HPSE2: variants seen among roughly 807,000 people sequenced by gnomAD.
The protein encoded by HPSE2 is inactive heparanase-2.
Under a neutral mutation model 60.5 loss-of-function variants are expected in HPSE2, and 38 were observed. The observed-to-expected ratio is 0.63, with a 90% CI of 0.48 to 0.82. The LOEUF is 0.82. HPSE2 is among the 40% of genes least tolerant of loss of function. HPSE2 has a pLI of 0.00. For missense variants in HPSE2, 713 were observed against 740.4 expected, an observed-to-expected ratio of 0.96 and a Z score of 0.43; for synonymous variants, 295 against 293.2, an observed-to-expected ratio of 1.01 and a Z score of -0.06.
intron 3 of HPSE2, chr10:99,048,176 G>A (rs9633708): frequency 0.11 from 72,033 of 680,564 alleles, 4,466 homozygotes; most frequent in South Asian, 0.18. Context: ...TTGATCTCTC[G>A]GTAAATATGG....
At chr10:98,510,761 G>T (rs186975294) in intron 9 of HPSE2, among the ~76,000 whole-genome samples, 1 of 152,208 alleles carries the variant, frequency 6.6e-6, no homozygotes, top group Non-Finnish European at 1.5e-5. Context: ...GCAGCCTGGG[G>T]GAATGCAAAG....
the HPSE2 span, among the ~76,000 whole-genome samples, chr10:99,297,823 T>C: frequency 2.6e-5 from 4 of 152,114 alleles, no homozygotes; most frequent in African/African-American, 4.8e-5. Context: ...ATTTTCAGCA[T>C]TGGTAATTTT....
intron 2 of HPSE2, among the ~76,000 whole-genome samples, chr10:99,164,383 A>AT (rs974730789): frequency 6.7e-6 from 1 of 149,590 alleles, no homozygotes; most frequent in African/African-American, 2.5e-5. Context: ...AGCTTCTATA[A>AT]TTTTTTGACA....
At chr10:98,542,046 ACCCC>A (rs1943487680) in intron 9 of HPSE2, among the ~76,000 whole-genome samples, 2 of 147,046 alleles carry the variant, frequency 1.4e-5, no homozygotes, top group Admixed American at 6.9e-5. Context: ...CTGACCCCTG[ACCCC>A]CAAGCAGCCT....
intron 10 of HPSE2, among the ~76,000 whole-genome samples, chr10:98,484,795 G>C (rs1217485635): frequency 6.6e-6 from 1 of 152,190 alleles, no homozygotes; most frequent in Non-Finnish European, 1.5e-5. Flanking sequence ...AGAAGTCTGA[G>C]AGAACTATAT....
intron 5 of HPSE2, among the ~76,000 whole-genome samples, chr10:98,719,250 T>C (rs1181194217): frequency 6.6e-6 from 1 of 152,140 alleles, no homozygotes; most frequent in Non-Finnish European, 1.5e-5. Flanking sequence ...GTTCCTAGAT[T>C]CTGAAGATAT....
intron 4 of HPSE2, among the ~76,000 whole-genome samples, chr10:98,734,090 A>T (rs1002988752): frequency 6.6e-6 from 1 of 152,202 alleles, no homozygotes; most frequent in African/African-American, 2.4e-5. Context: ...GACATTTCAT[A>T]TAAGGGGAAT....
intron 9 of HPSE2, among the ~76,000 whole-genome samples, chr10:98,559,758 C>T (rs1169480938): frequency 2.0e-5 from 3 of 152,134 alleles, no homozygotes; most frequent in African/African-American, 7.2e-5. Flanking sequence ...ACAGATAAAG[C>T]ATTATAAGAA....
intron 2 of HPSE2, among the ~76,000 whole-genome samples, chr10:99,184,811 TATATATATAGAGAGAGAG>T (rs1487587489): frequency 1.3e-4 from 5 of 37,886 alleles, no homozygotes; most frequent in African/African-American, 2.4e-4. Context: ...TATATATATA[TATATATATAGAGAGAGAG>T]AGAGAGAGAG....
chr10:98,615,306 T>C (rs1362509077), intron 8 of HPSE2, among the ~76,000 whole-genome samples: 1 of 152,184 alleles, frequency 6.6e-6, no homozygotes, highest in African/African-American at 2.4e-5. Context: ...TAACTTTTTA[T>C]TCCTGAAATA....
intron 2 of HPSE2, among the ~76,000 whole-genome samples, chr10:99,180,188 G>A (rs1045215060): frequency 6.6e-6 from 1 of 152,136 alleles, no homozygotes; most frequent in African/African-American, 2.4e-5. Context: ...TACCATTCAG[G>A]ACATAGGCAT....
the HPSE2 span, among the ~76,000 whole-genome samples, chr10:99,285,494 G>GGGAGGGAGGGAA: frequency 1.6e-5 from 2 of 124,842 alleles, no homozygotes; most frequent in African/African-American, 3.1e-5. Context: ...GAGGGAGGGA[G>GGGAGGGAGGGAA]GGAGGGAAAG....
chr10:98,962,399 T>C (rs1220207912), intron 3 of HPSE2, among the ~76,000 whole-genome samples: 7 of 151,702 alleles, frequency 4.6e-5, no homozygotes, highest in Non-Finnish European at 1.0e-4. Context: ...TCCAATTGTT[T>C]GTGTCCTCTT....
intron 2 of HPSE2, among the ~76,000 whole-genome samples, chr10:99,165,081 CAAAAA>C (rs56263581): frequency 4.6e-5 from 3 of 65,782 alleles, no homozygotes; most frequent in East Asian, 4.7e-4. Flanking sequence ...GACTCGGTCT[CAAAAA>C]AAAAAAAAAA....
At chr10:99,267,784 AAAAAAC>A in the HPSE2 span, among the ~76,000 whole-genome samples, 21 of 151,712 alleles carry the variant, frequency 1.4e-4, no homozygotes, top group East Asian at 1.2e-3. Flanking sequence ...CATCAAAAAA[AAAAAAC>A]AAAAAACAAA....
chr10:99,221,880 G>A (rs946181435), intron 2 of HPSE2, among the ~76,000 whole-genome samples: 3 of 152,118 alleles, frequency 2.0e-5, no homozygotes, highest in African/African-American at 7.2e-5. Context: ...GCAGACAAGG[G>A]ATGTCGGTGA....
At chr10:98,643,955 CA>C (rs1565043192) in intron 6 of HPSE2, among the ~76,000 whole-genome samples, 1 of 152,284 alleles carries the variant, frequency 6.6e-6, no homozygotes, top group South Asian at 2.1e-4. Flanking sequence ...CTACATTACA[CA>C]TCAGTATTTA....
rs771235252 is a variant in HPSE2, at chr10:98,663,079, G to A, written c.1005-21139C>T. 2.0e-5 allele frequency among the ~76,000 whole-genome samples: 3 copies of A among 152,150 alleles called. No homozygotes were observed. In the East Asian group the frequency reaches 5.8e-4, roughly 29 times the overall value. ...TCACAAAGGATGAACACACATAAGG[G>A]CAGGGGTATGAGGGTTAGCCATTCC... On this transcript the variant is annotated intron_variant, in intron 6 of 11. Transcript: ENST00000370552.
rs553553264 is a variant in HPSE2, at chr10:98,497,826, C to A, written c.1321-7630G>T. ...AGATCATTTTCTTGTAGCACTGTTG[C>A]AGAGAATTTTGAAGCTAGCATGATT... On this transcript the variant is annotated intron_variant, in intron 9 of 11. Transcript: ENST00000370552. Among the ~76,000 whole-genome samples the A allele has an allele frequency of 1.2e-3, 182 of 152,146 alleles. 1 individual carries two copies. The highest frequency in any genetic ancestry group is 4.1e-3 in the African/African-American group (171 of 41,520).
Sources: allele counts gnomAD v4.1 joint callset (sites outside exome capture counted in the v4.1 genomes callset), GRCh38; gene constraint gnomAD v4.1.1; transcripts MANE v1.5; gene names NCBI Gene and HGNC (gene_info 2026-07-23, HGNC 2026-07-21).